METRNL: variants seen among roughly 807,000 people sequenced by gnomAD.
METRNL encodes the protein meteorin-like protein.
In METRNL, 9 loss-of-function variants were observed where a neutral mutation model predicts 17.4. The ratio of observed to expected loss-of-function variants is 0.52; its 90% CI spans 0.31 to 0.90. METRNL has a LOEUF of 0.90. Among genes scored for constraint, METRNL ranks in the 40% least tolerant of loss-of-function variants. The probability of loss-of-function intolerance (pLI) is 0.05; values close to 1 mark genes in which losing one functional copy is unlikely to be tolerated. For synonymous variants in METRNL, 215 were observed against 199.3 expected, an observed-to-expected ratio of 1.08 and a Z score of -0.66; for missense variants, 408 against 430.7, an observed-to-expected ratio of 0.95 and a Z score of 0.47.
At chr17:83,085,426 T>G in intron 2 of METRNL, 103 bp downstream of exon 2, 24 of 1,409,444 alleles carry the variant, frequency 1.7e-5, no homozygotes, top group Non-Finnish European at 2.3e-5. Context: ...CTGCTCAGCC[T>G]TGGTGAAAAC....
chr17:83,082,777 T>G (rs2143613717), intron 1 of METRNL, among the ~76,000 whole-genome samples: 1 of 152,340 alleles, frequency 6.6e-6, no homozygotes, highest in South Asian at 2.1e-4. Flanking sequence ...AGACCATGAG[T>G]CTCGGACTTC....
In METRNL at chr17:83,093,168, G is replaced by A. The variant is rs149758866; in HGVS notation, c.558G>A (p.Ala186=). The part of the protein sequence containing the change: ...HRASDLHELS[A]PCRPCSDTEV... ...CCTGACTCTGCCTTTCTTCTCCAGC[G>A]CCGTGCCGTCCCTGCAGTGACACCG... is the stretch of plus-strand genomic sequence containing the variant. The change falls in exon 3 of 4, where the codon GCG becomes GCA. Residue 186 remains alanine (A), a splice_region_variant and synonymous_variant. Coordinates refer to ENST00000320095, the MANE Select transcript of METRNL (RefSeq NM_001004431.3). 6.0e-4 allele frequency: 957 copies of A among 1,607,514 alleles called. 8 individuals carry two copies. The East Asian group carries it at 0.02, about 33-fold the overall frequency.
chr17:83,080,468 C>T (rs1160795754), intron 1 of METRNL, among the ~76,000 whole-genome samples: 1 of 149,682 alleles, frequency 6.7e-6, no homozygotes, highest in Admixed American at 6.7e-5. Flanking sequence ...CGGGCGGGCA[C>T]CTGTGAGCCG....
intron 2 of METRNL, among the ~76,000 whole-genome samples, chr17:83,087,179 G>A (rs1386389505): frequency 6.6e-6 from 1 of 152,170 alleles, no homozygotes; most frequent in Non-Finnish European, 1.5e-5. Context: ...GCTGGCTTGG[G>A]GTCCCAGAAC....
chr17:83,093,932 C>T (rs1017117308), intron 3 of METRNL, among the ~76,000 whole-genome samples: 2 of 152,154 alleles, frequency 1.3e-5, no homozygotes, highest in African/African-American at 4.8e-5. Flanking sequence ...TGAGCTGCAC[C>T]GGGTCTGTCT....
chr17:83,085,353 G>A (rs780591452), intron 2 of METRNL, 30 bp downstream of exon 2: 13 of 1,511,262 alleles, frequency 8.6e-6, no homozygotes, highest in South Asian at 6.7e-5. Context: ...CGGGGGCGGC[G>A]GGCCTCGTCA....
Position 83,093,113 on chromosome 17 carries a change from G to A in METRNL, c.557-54G>A, listed in dbSNP as rs375636581. ...GGATCCTTTGACGGTGGTGGGCGGC[G>A]TTCCAGAGCCTGTCCCGTCCAGGCT... On this transcript the variant is annotated intron_variant, in intron 2 of 3. Coordinates refer to ENST00000320095, the MANE Select transcript of METRNL (RefSeq NM_001004431.3). 3,538 of 1,505,962 alleles carry A rather than the reference G, an allele frequency of 2.3e-3. 18 individuals are homozygous for A. The highest frequency in any genetic ancestry group is 2.0e-3 in the Non-Finnish European group (2,212 of 1,094,578). 93.3% of individuals were successfully genotyped at this position (1,505,962 alleles called of 1,614,324 possible).
intron 1 of METRNL, chr17:83,083,942 C>T (rs935957890): frequency 5.3e-5 from 8 of 152,232 alleles, no homozygotes; most frequent in African/African-American, 1.4e-4. Flanking sequence ...TATGACGTGG[C>T]TGTTAGCCAC....
chr17:83,088,225 C>G (rs2038075373), intron 2 of METRNL, among the ~76,000 whole-genome samples: 1 of 152,242 alleles, frequency 6.6e-6, no homozygotes, highest in Non-Finnish European at 1.5e-5. Flanking sequence ...CTGAGGAAAC[C>G]CCGCAGGATG....
chr17:83,080,698 G>A (rs1423143135), intron 1 of METRNL, among the ~76,000 whole-genome samples: 1 of 146,246 alleles, frequency 6.8e-6, no homozygotes, highest in Non-Finnish European at 1.5e-5. Flanking sequence ...CCCACGCGAA[G>A]CCCAGGGCGC....
intron 2 of METRNL, among the ~76,000 whole-genome samples, chr17:83,086,559 C>G (rs1031420472): frequency 6.6e-6 from 1 of 152,218 alleles, no homozygotes; most frequent in Non-Finnish European, 1.5e-5. Flanking sequence ...GAGGCGAAAC[C>G]TGGAGAAATC....
intron 1 of METRNL, chr17:83,082,097 C>T (rs2143611496): frequency 1.0e-6 from 1 of 985,438 alleles, no homozygotes; most frequent in Non-Finnish European, 1.2e-6. Context: ...ATGAAACCTC[C>T]CTTCCGTGGG....
chr17:83,081,340 C>T (rs1320716507), intron 1 of METRNL, among the ~76,000 whole-genome samples: 1 of 152,162 alleles, frequency 6.6e-6, no homozygotes, highest in Non-Finnish European at 1.5e-5. Flanking sequence ...CGTTCCGCTC[C>T]AGCAGACCGA....
chr17:83,081,909 C>T (rs1429055080), intron 1 of METRNL, among the ~76,000 whole-genome samples: 1 of 152,202 alleles, frequency 6.6e-6, no homozygotes, highest in African/African-American at 2.4e-5. Flanking sequence ...GCCTGCTACC[C>T]TCCGGTGTTT....
At chr17:83,090,005 C>T (rs777152791) in intron 2 of METRNL, among the ~76,000 whole-genome samples, 22 of 152,034 alleles carry the variant, frequency 1.4e-4, no homozygotes, top group African/African-American at 1.2e-4. Context: ...CTCGGCCGTC[C>T]GCTGAGGTCG....
intron 1 of METRNL, among the ~76,000 whole-genome samples, chr17:83,080,565 ACCCC>A (rs1161469227): frequency 2.3e-4 from 5 of 22,002 alleles, no homozygotes; most frequent in South Asian, 2.3e-3. Context: ...GCGCTGGGCG[ACCCC>A]CCCCCCCCCC....
chr17:83,090,179 C>CA (rs2038104571), intron 2 of METRNL, among the ~76,000 whole-genome samples: 1 of 125,402 alleles, frequency 8.0e-6, no homozygotes. Context: ...CACCCCTGCC[C>CA]CGCCCCAGGG....
In METRNL at chr17:83,080,144, C is replaced by T. The variant is rs532187618; in HGVS notation, c.170+159C>T. On this transcript the variant is annotated intron_variant, in intron 1 of 3. Transcript: ENST00000320095. Reference sequence around the variant, plus strand: ...CAGTCCGGTGCCCGCTGTCCCCCGCCCCCGGTTCTAGAACAAAAGAGCCCG... The same window carrying T: ...CAGTCCGGTGCCCGCTGTCCCCCGCTCCCGGTTCTAGAACAAAAGAGCCCG... 1.7e-3 allele frequency: 392 copies of T among 232,596 alleles called. 2 individuals are homozygous for T. Among genetic ancestry groups the T allele is most frequent in the African/African-American group, 8.3e-3 (354 of 42,828 alleles). The allele number at this position is 232,596 out of a possible 1,614,324, so 14.4% of individuals were successfully genotyped here. A position where few individuals can be genotyped will look rare whatever the true frequency, so the allele number is the denominator to read the frequency against.
Position 83,094,497 on chromosome 17 carries a change from A to G in METRNL, c.858A>G (p.Pro286=). The G allele has an allele frequency of 3.2e-6, 5 of 1,569,036 alleles. No homozygotes were observed. The highest frequency in any genetic ancestry group is 4.3e-6 in the Non-Finnish European group (5 of 1,150,668). The change falls in exon 4 of 4, where the codon CCA becomes CCG. Residue 286 remains proline (P), a synonymous_variant. Coordinates refer to ENST00000320095, the MANE Select transcript of METRNL (RefSeq NM_001004431.3). The part of the protein sequence containing the change: ...HFGEARLGCA[P]RFKDFQRMYR... ...GGGAGGCGCGGCTCGGCTGTGCCCC[A>G]CGCTTCAAGGACTTCCAGAGGATGT...
Sources: gnomAD v4.1 joint callset for allele counts (sites outside exome capture counted in the v4.1 genomes callset) on GRCh38, gnomAD v4.1.1 for gene constraint, MANE v1.5 for transcripts, NCBI Gene and HGNC (gene_info 2026-07-23, HGNC 2026-07-21) for gene names.